The following MCM3 variants were observed in gnomAD, a reference collection of about 807,000 sequenced individuals.
MCM3 encodes the protein DNA replication licensing factor MCM3.
A neutral mutation model predicts 91.3 loss-of-function variants in MCM3; 59 were observed. The ratio of observed to expected loss-of-function variants is 0.65; its 90% CI spans 0.52 to 0.80. The LOEUF is 0.80. Among genes scored for constraint, MCM3 ranks in the 30% least tolerant of loss-of-function variants. The pLI is 0.00. For synonymous variants in MCM3, 383 were observed against 379.6 expected (o/e 1.01, Z -0.10); for missense variants, 919 against 1,035.4 (o/e 0.89, Z 1.54).
At chr6:52,281,537 G>A (rs555341355) in intron 4 of MCM3, among the ~76,000 whole-genome samples, 6 of 152,088 alleles carry the variant, frequency 3.9e-5, no homozygotes, top group Non-Finnish European at 8.8e-5. Context: ...AAAAATTAGC[G>A]GACCTGGTGG....
rs1023987750 is a variant in MCM3, at chr6:52,264,323, C to T, written c.*265G>A. ...GGTTTGTGTGGGATGGGAAGTAGGG[C>T]GGATGAGCCAGTGCTTTTGCAATGA... On this transcript the variant is annotated 3_prime_UTR_variant, in exon 17 of 17. Transcript: ENST00000596288. 63 of 432,924 alleles carry T rather than the reference C, an allele frequency of 1.5e-4. No homozygotes were observed. Among genetic ancestry groups the T allele is most frequent in the Non-Finnish European group, 2.4e-4 (57 of 234,150 alleles). 26.8% of individuals were successfully genotyped at this position (432,924 alleles called of 1,614,324 possible).
chr6:52,279,042 C>A (rs1169411147), intron 5 of MCM3, among the ~76,000 whole-genome samples, 192 bp from the exon 6 acceptor site: 2 of 152,180 alleles, frequency 1.3e-5, no homozygotes, highest in African/African-American at 2.4e-5. Flanking sequence ...GCTGATCATG[C>A]CCCACCTCTG....
intron 4 of MCM3, 80 bp from the exon 5 acceptor site, chr6:52,279,679 G>A: frequency 9.6e-7 from 1 of 1,039,446 alleles, no homozygotes; most frequent in Non-Finnish European, 1.4e-6. Context: ...TGGCAAATAA[G>A]ATGACTTCAT....
At chr6:52,282,506 T>C (rs966405182) in intron 3 of MCM3, 147 bp downstream of exon 3, 1 of 671,342 alleles carries the variant, frequency 1.5e-6, no homozygotes, top group East Asian at 2.7e-5. Context: ...CCAATCATTG[T>C]ACACACTGAG....
At chr6:52,277,389 CAA>C (rs60481410) in intron 7 of MCM3, 144 bp downstream of exon 7, 992 of 810,434 alleles carry the variant, frequency 1.2e-3, no homozygotes, top group East Asian at 2.8e-3. Flanking sequence ...CCAGAGATGA[CAA>C]AAAAAAAAAA....
At position 52,277,677 on chromosome 6, in the gene MCM3, G is replaced by A. The variant is rs770211906; in HGVS notation, c.891C>T (p.Asp297=). The A allele has an allele frequency of 2.5e-6, 4 of 1,613,794 alleles. No homozygotes were observed. In the South Asian group the frequency reaches 3.3e-5, roughly 13 times the overall value. ...FSKTRSKDIF[D]QLAKSLAPSI... is the part of the protein sequence containing the mutation. The stretch of plus-strand genomic sequence containing the variant: ...TTGGGGCCAATGACTTGGCCAGCTG[G>A]TCAAAGATATCCTACAGGAGAAATA... Residue 297 remains aspartate (D), a synonymous_variant, in exon 7 of 17, where the codon GAC becomes GAT. Coordinates refer to ENST00000596288, the MANE Select transcript of MCM3 (RefSeq NM_002388.6).
intron 5 of MCM3, 54 bp downstream of exon 5, chr6:52,279,307 C>A (rs1464959126): frequency 2.8e-6 from 4 of 1,448,250 alleles, no homozygotes; most frequent in Non-Finnish European, 3.8e-6. Flanking sequence ...AAGGATATTA[C>A]CAGAAATGGA....
At chr6:52,269,317 A>G in intron 12 of MCM3, 91 bp from the exon 13 acceptor site, 1 of 1,362,566 alleles carries the variant, frequency 7.3e-7, no homozygotes, top group Non-Finnish European at 1.0e-6. Context: ...CACTACCAGA[A>G]AAGCCCCAGG....
At chr6:52,264,866 A>G (rs1207577488) in intron 16 of MCM3, 80 bp from the exon 17 acceptor site, 5 of 1,216,782 alleles carry the variant, frequency 4.1e-6, no homozygotes, top group African/African-American at 1.5e-5. Context: ...AGGAAAATCC[A>G]TAGTATTAAT....
chr6:52,278,750 G>T lies in MCM3; in HGVS notation c.871C>A (p.Arg291=). 6.2e-7 allele frequency: 1 copy of T among 1,611,314 alleles called. No homozygotes were observed. Among genetic ancestry groups the T allele is most frequent in the Non-Finnish European group, 8.5e-7 (1 of 1,178,048 alleles). ...IAKIKKFSKT[R]SKDIFDQLAK... ...CTAAAGGATGCCCAGACCTTGGATC[G>T]GGTTTTACTGAACTTCTTGATCTTG... The change falls in exon 6 of 17, where the codon CGA becomes AGA. Residue 291 remains arginine, a synonymous_variant. Coordinates refer to ENST00000596288, the MANE Select transcript of MCM3 (RefSeq NM_002388.6).
chr6:52,279,816 T>A (rs1380858424), intron 4 of MCM3, among the ~76,000 whole-genome samples: 2 of 152,214 alleles, frequency 1.3e-5, no homozygotes, highest in East Asian at 3.8e-4. Flanking sequence ...ATGGTTATAT[T>A]AACATCTAAA....
chr6:52,274,051 G>A (rs17240035), intron 9 of MCM3, 135 bp from the exon 10 acceptor site: 246 of 647,234 alleles, frequency 3.8e-4, no homozygotes, highest in Admixed American at 3.0e-3. Flanking sequence ...AGTGAAAAAG[G>A]GAAGTGTTTT....
chr6:52,269,214 T>C lies in MCM3; in HGVS notation c.1840A>G (p.Thr614Ala), dbSNP rs751475474. ...ATCAGAGTTTCCAGTGTTCGGGCTG[T>C]AACTGGAGATGTCTAGGGAAGAAAA... The part of the protein sequence containing the change: ...SSDTARTSPV[T>A]ARTLETLIRL... Residue 614 changes from threonine (T) to alanine (A), a missense_variant, in exon 13 of 17, where the codon ACA (threonine) becomes GCA (alanine). Around this residue, in one of 3 missense-constraint regions of MCM3, gnomAD observed 285 missense variants for 311.4 expected, o/e 0.92. Transcript: ENST00000596288. 2 of 1,610,604 alleles carry C rather than the reference T, an allele frequency of 1.2e-6. No individual in the cohort carries two copies. Among genetic ancestry groups the C allele is most frequent in the South Asian group, 1.1e-5 (1 of 90,778 alleles).
chr6:52,268,067 C>A lies in MCM3; in HGVS notation c.1969-99G>T, dbSNP rs576175468. ...CCTTCTGCATCATAAGCAGGAAAGA[C>A]TTCCATGTTTCCAATGGTTTACCTA... On this transcript the variant is annotated intron_variant, in intron 13 of 16. Transcript: ENST00000596288. 141 of 1,551,420 alleles carry A rather than the reference C, an allele frequency of 9.1e-5. No homozygotes were observed. In the African/African-American group the frequency reaches 1.4e-3, roughly 15 times the overall value.
At chr6:52,267,419 A>C (rs1414193465) in intron 14 of MCM3, among the ~76,000 whole-genome samples, 2 of 150,994 alleles carry the variant, frequency 1.3e-5, no homozygotes, top group Non-Finnish European at 2.9e-5. Context: ...TTCATCCTCA[A>C]ACCCCGCAGG....
chr6:52,278,534 T>C (rs745678069), intron 6 of MCM3, among the ~76,000 whole-genome samples: 2 of 151,150 alleles, frequency 1.3e-5, no homozygotes, highest in Non-Finnish European at 3.0e-5. Context: ...GCCCAGCAGG[T>C]AGCAGGTATT....
At position 52,277,126 on chromosome 6, in the gene MCM3, G is replaced by A. The variant is rs746579473; in HGVS notation, c.1106C>T (p.Thr369Ile). The change falls in exon 8 of 17, where the codon ACT (threonine) becomes ATT (isoleucine). Residue 369 changes from threonine to isoleucine, a missense_variant. Physicochemically the swap from Thr to Ile is moderately conservative, Grantham distance 89. Transcript: ENST00000596288. ...LCTAPRAIPT[T>I]GRGSSGVGLT... ...ACCCACTCCAGAGGAGCCCCGGCCAGTGGTGGGGATAGCTCGGGGTGCAGT... is the reference window on the plus strand; with the variant it reads ...ACCCACTCCAGAGGAGCCCCGGCCAATGGTGGGGATAGCTCGGGGTGCAGT... 1.2e-6 allele frequency: 2 copies of A among 1,614,144 alleles called. No individual in the cohort carries two copies. Among genetic ancestry groups the A allele is most frequent in the East Asian group, 2.2e-5 (1 of 44,886 alleles).
rs1764650090 is a variant in MCM3, at chr6:52,266,479, C to A, written c.2158+132G>T. ...TCCCCTGAAGCTCTCTTGGGACAAACCTCTTGGACATAGGCCCCAAGCAGG... is the reference window on the plus strand; with the variant it reads ...TCCCCTGAAGCTCTCTTGGGACAAAACTCTTGGACATAGGCCCCAAGCAGG... On this transcript the variant is annotated intron_variant, in intron 15 of 16. Coordinates refer to ENST00000596288, the MANE Select transcript of MCM3 (RefSeq NM_002388.6). The A allele has an allele frequency of 1.9e-5, 15 of 808,246 alleles. No homozygotes were observed. In the South Asian group the frequency reaches 2.4e-4, roughly 13 times the overall value. 50.1% of individuals were successfully genotyped at this position (808,246 alleles called of 1,614,324 possible). A position where few individuals can be genotyped will look rare whatever the true frequency, so the allele number is the denominator to read the frequency against.
At position 52,282,104 on chromosome 6, in the gene MCM3, G is replaced by A. The variant is rs770971665; in HGVS notation, c.472C>T (p.Arg158Cys). 19 of 1,613,910 alleles carry A rather than the reference G, an allele frequency of 1.2e-5. No homozygotes were observed. Among genetic ancestry groups the A allele is most frequent in the Admixed American group, 1.7e-5 (1 of 60,004 alleles). The change falls in exon 4 of 17, where the codon CGT (arginine) becomes TGT (cysteine). Residue 158 changes from arginine (R) to cysteine (C), a missense_variant. This residue lies in a region of MCM3 where 401 missense variants were observed against 402.7 expected (regional missense o/e 1.00). Coordinates refer to ENST00000596288, the MANE Select transcript of MCM3 (RefSeq NM_002388.6). ...CPATKKTIERRYSDLTTLVAF... is the reference protein window; with the variant it reads ...CPATKKTIERCYSDLTTLVAF... ...ACCAGGGTGGTGAGATCAGAATAAC[G>A]TCGCTCTATGGTCTTCTTAGTAGCA...
Sources: gnomAD v4.1 joint callset for allele counts (sites outside exome capture counted in the v4.1 genomes callset) on GRCh38, gnomAD v4.1.1 for gene constraint, gnomAD v4.1.1 regional missense constraint, MANE v1.5 for transcripts, NCBI Gene and HGNC (gene_info 2026-07-23, HGNC 2026-07-21) for gene names.